NDST2: variants seen among roughly 807,000 people sequenced by gnomAD.
NDST2 encodes N-deacetylase and N-sulfotransferase 2, also known as bifunctional heparan sulfate N-deacetylase/N-sulfotransferase 2.
A neutral mutation model predicts 86.9 loss-of-function variants in NDST2; 32 were observed. That is an observed-to-expected ratio of 0.37 (90% CI 0.28 to 0.49). NDST2 has a LOEUF of 0.49. NDST2 is among the 20% of genes least tolerant of loss of function. The pLI, the probability that NDST2 is intolerant of heterozygous loss-of-function variation, is 0.97. For missense variants in NDST2, 950 were observed against 1,146.9 expected, an observed-to-expected ratio of 0.83 and a Z score of 2.48; for synonymous variants, 409 against 437.0, an observed-to-expected ratio of 0.94 and a Z score of 0.80.
chr10:73,809,865 T>A (rs1025691183), intron 2 of NDST2, among the ~76,000 whole-genome samples: 4 of 152,158 alleles, frequency 2.6e-5, no homozygotes, highest in African/African-American at 9.7e-5. Flanking sequence ...CCCATGTAGC[T>A]GGGACTACAG....
rs1348205869 is a variant in NDST2, at chr10:73,806,748, A to G, written c.1157T>C (p.Phe386Ser). The change falls in exon 5 of 15, where the codon TTC becomes TCC. Residue 386 changes from phenylalanine (F) to serine (S), a missense_variant. Transcript: ENST00000309979. The surrounding 1 kb of genome is among the most constrained non-coding windows in gnomAD (Gnocchi z 4.5). Reference protein sequence around the residue: ...LLKHRKEFWWFPHMWSHMQPH... With the variant: ...LLKHRKEFWWSPHMWSHMQPH... Reference sequence around the variant, plus strand: ...CTGCATGTGGCTCCACATGTGGGGGAACCACCAGAACTCTTTGCGGTGCTT... The same window carrying G: ...CTGCATGTGGCTCCACATGTGGGGGGACCACCAGAACTCTTTGCGGTGCTT... The G allele has an allele frequency of 1.2e-6, 2 of 1,613,952 alleles. No homozygotes were observed. Among genetic ancestry groups the G allele is most frequent in the South Asian group, 2.2e-5 (2 of 91,074 alleles).
chr10:73,804,859 T>C lies in NDST2; in HGVS notation c.1757A>G (p.Asp586Gly). The C allele has an allele frequency of 1.2e-6, 2 of 1,606,238 alleles. No homozygotes were observed. Among genetic ancestry groups the C allele is most frequent in the Non-Finnish European group, 1.7e-6 (2 of 1,175,480 alleles). The change falls in exon 9 of 15, where the codon GAT (aspartate) becomes GGT (glycine). Residue 586 changes from aspartate (D) to glycine (G), a missense_variant. Coordinates refer to ENST00000309979, the MANE Select transcript of NDST2 (RefSeq NM_003635.4). ...CCAGATATCTTTGTGCCTCTTGTCA[T>C]CACAGGGATTCTGAAGCCAGGGCCA... is the stretch of plus-strand genomic sequence containing the variant. Reference protein sequence around the residue: ...ERSPLWQNPCDDKRHKDIWSK... With the variant: ...ERSPLWQNPCGDKRHKDIWSK...
Position 73,806,729 on chromosome 10 carries a change from G to T in NDST2, c.1176C>A (p.His392Gln). 1 of 1,614,176 alleles carries T rather than the reference G, an allele frequency of 6.2e-7. No individual in the cohort carries two copies. The highest frequency in any genetic ancestry group is 2.2e-5 in the East Asian group (1 of 44,880). The part of the protein sequence containing the change: ...EFWWFPHMWS[H>Q]MQPHLFHNRS... ...GATTGTGGAACAGGTGTGGCTGCAT[G>T]TGGCTCCACATGTGGGGGAACCACC... The change falls in exon 5 of 15, where the codon CAC becomes CAA. Residue 392 changes from histidine to glutamine, a missense_variant. This residue lies in a region of NDST2 where 586 missense variants were observed against 714.0 expected (regional missense o/e 0.82). Transcript: ENST00000309979. The surrounding 1 kb of genome is among the most constrained non-coding windows in gnomAD (Gnocchi z 4.5).
chr10:73,803,080 A>G lies in NDST2; in HGVS notation c.2315T>C (p.Leu772Ser). The part of the protein sequence containing the change: ...RWLTYYPSGQ[L>S]LIVDGQELRT... Reference sequence around the variant, plus strand: ...CAGCTCTTGCCCATCCACAATCAGCAACTAAAAGGACAGGGATGTGGTTCC... The same window carrying G: ...CAGCTCTTGCCCATCCACAATCAGCGACTAAAAGGACAGGGATGTGGTTCC... Residue 772 changes from leucine to serine, a missense_variant and splice_region_variant, in exon 13 of 15, where the codon TTG becomes TCG. Leu to Ser is a moderately radical substitution (Grantham distance 145). Coordinates refer to ENST00000309979, the MANE Select transcript of NDST2 (RefSeq NM_003635.4). 1 of 1,614,214 alleles carries G rather than the reference A, an allele frequency of 6.2e-7. No individual in the cohort carries two copies. Among genetic ancestry groups the G allele is most frequent in the Non-Finnish European group, 8.5e-7 (1 of 1,180,028 alleles).
At chr10:73,809,248 C>T (rs933804413) in intron 2 of NDST2, among the ~76,000 whole-genome samples, 11 of 152,166 alleles carry the variant, frequency 7.2e-5, no homozygotes, top group Admixed American at 2.0e-4. Flanking sequence ...CAGCCAACAG[C>T]TTTAACGAAC....
At position 73,808,300 on chromosome 10, in the gene NDST2, G is replaced by A. The variant is rs763635335; in HGVS notation, c.89C>T (p.Ser30Phe). The stretch of plus-strand genomic sequence containing the variant: ...CACATAATAAGCCAGGAAGCCCATG[G>A]AGCCCAGGCTGAAAGCGATCAGCAG... ...ILLLIAFSLGSMGFLAYYVST... is the reference protein window; with the variant it reads ...ILLLIAFSLGFMGFLAYYVST... The change falls in exon 3 of 15, where the codon TCC becomes TTC. Residue 30 changes from serine (S) to phenylalanine (F), a missense_variant. Ser to Phe is a radical substitution (Grantham distance 155). This residue lies in a region of NDST2 where 38 missense variants were observed against 42.5 expected (regional missense o/e 0.89). Transcript: ENST00000309979. This position sits in a 1 kb window ranked among gnomAD's most constrained non-coding sequence, Gnocchi z 4.3. 2 of 1,595,798 alleles carry A rather than the reference G, an allele frequency of 1.3e-6. No individual in the cohort carries two copies. Among genetic ancestry groups the A allele is most frequent in the Non-Finnish European group, 8.5e-7 (1 of 1,171,374 alleles).
At chr10:73,803,534 C>T in intron 11 of NDST2, 40 bp downstream of exon 11, 5 of 1,121,420 alleles carry the variant, frequency 4.5e-6, no homozygotes, top group East Asian at 3.9e-5. Context: ...TCCCCCCTCC[C>T]CCCAACCTTT....
chr10:73,808,122 C>T lies in NDST2; in HGVS notation c.267G>A (p.Val89=), dbSNP rs146046424. ...GCTGTGAGTATGCACTCTCCACAAA[C>T]ACAAGGACCACGGGTTCAGTTCGAG... The part of the protein sequence containing the change: ...ETARTEPVVL[V]FVESAYSQLG... The change falls in exon 3 of 15, where the codon GTG becomes GTA. Residue 89 remains valine, a synonymous_variant. Transcript: ENST00000309979. This position sits in a 1 kb window ranked among gnomAD's most constrained non-coding sequence, Gnocchi z 4.3. 1.1e-5 allele frequency: 17 copies of T among 1,614,130 alleles called. No homozygotes were observed. The highest frequency in any genetic ancestry group is 2.7e-5 in the African/African-American group (2 of 74,944).
Position 73,806,493 on chromosome 10 carries a change from C to G in NDST2, c.1249-19G>C. The G allele has an allele frequency of 6.4e-7, 1 of 1,568,356 alleles. No homozygotes were observed. Among genetic ancestry groups the G allele is most frequent in the African/African-American group, 1.4e-5 (1 of 73,862 alleles). On this transcript the variant is annotated intron_variant, in intron 5 of 14. Coordinates refer to ENST00000309979, the MANE Select transcript of NDST2 (RefSeq NM_003635.4). This position sits in a 1 kb window ranked among gnomAD's most constrained non-coding sequence, Gnocchi z 4.5. Reference sequence around the variant, plus strand: ...CATGCTCCTGGGAATGGCATAGACTCTCACCAGGACCTGGTGAGGTTTGGG... The same window carrying G: ...CATGCTCCTGGGAATGGCATAGACTGTCACCAGGACCTGGTGAGGTTTGGG...
Position 73,802,989 on chromosome 10 carries a change from G to A in NDST2, c.2406C>T (p.Asn802=). The change falls in exon 13 of 15, where the codon AAC becomes AAT. Residue 802 remains asparagine (N), a synonymous_variant. Coordinates refer to ENST00000309979, the MANE Select transcript of NDST2 (RefSeq NM_003635.4). ...TCTCCCACCTGAGGGTCCGTGTGTA[G>A]TTCAGAAAGGGTGTGATACCCAGGA... ...QKFLGITPFL[N]YTRTLRFDDD... is the part of the protein sequence containing the mutation. 1 of 1,614,202 alleles carries A rather than the reference G, an allele frequency of 6.2e-7. No individual in the cohort carries two copies. Among genetic ancestry groups the A allele is most frequent in the East Asian group, 2.2e-5 (1 of 44,888 alleles).
chr10:73,802,870 C>T, intron 13 of NDST2, 94 bp from the exon 14 acceptor site: 1 of 1,517,684 alleles, frequency 6.6e-7, no homozygotes, highest in Non-Finnish European at 9.2e-7. Context: ...AGGGACATGT[C>T]TCTCCTTGTG....
Position 73,806,252 on chromosome 10 carries a change from T to G in NDST2, c.1434+37A>C. 6.2e-7 allele frequency: 1 copy of G among 1,610,618 alleles called. No homozygotes were observed. Among genetic ancestry groups the G allele is most frequent in the Non-Finnish European group, 8.5e-7 (1 of 1,178,034 alleles). On this transcript the variant is annotated intron_variant, in intron 6 of 14. Transcript: ENST00000309979. This position sits in a 1 kb window ranked among gnomAD's most constrained non-coding sequence, Gnocchi z 4.5. ...TGCATGTTGAAAGCTGTCTAAATGTTAGAGTTTGATTCAAGCCTGTATTGG... is the reference window on the plus strand; with the variant it reads ...TGCATGTTGAAAGCTGTCTAAATGTGAGAGTTTGATTCAAGCCTGTATTGG...
chr10:73,804,505 G>C (rs974439870), intron 9 of NDST2, among the ~76,000 whole-genome samples: 1 of 152,044 alleles, frequency 6.6e-6, no homozygotes, highest in Non-Finnish European at 1.5e-5. Flanking sequence ...GCCAGGTGTG[G>C]TGGCACCTGC....
intron 2 of NDST2, among the ~76,000 whole-genome samples, chr10:73,810,361 G>A (rs1565101278): frequency 6.6e-6 from 1 of 152,120 alleles, no homozygotes; most frequent in Non-Finnish European, 1.5e-5. Flanking sequence ...AGGAGGCTGA[G>A]GCAGGAGAAT....
In NDST2 at chr10:73,807,402, C is replaced by T; in HGVS notation, c.987G>A (p.Met329Ile). Reference protein sequence around the residue: ...DIFVGKEGTRMKVADVEALLT... With the variant: ...DIFVGKEGTRIKVADVEALLT... Reference sequence around the variant, plus strand: ...GACTGACCTCAACATCAGCCACCTTCATGCGGGTCCCTTCCTTGCCCACAA... The same window carrying T: ...GACTGACCTCAACATCAGCCACCTTTATGCGGGTCCCTTCCTTGCCCACAA... The change falls in exon 3 of 15, where the codon ATG becomes ATA. Residue 329 changes from methionine to isoleucine, a missense_variant. Physicochemically the swap from Met to Ile is conservative, Grantham distance 10. Transcript: ENST00000309979. 1 of 1,614,140 alleles carries T rather than the reference C, an allele frequency of 6.2e-7. No individual in the cohort carries two copies.
chr10:73,804,724 T>G (rs2084068163), intron 9 of NDST2, 49 bp downstream of exon 9: 1 of 1,111,326 alleles, frequency 9.0e-7, no homozygotes. Context: ...GACAAAAGGA[T>G]CCTTTGGGTT....
rs368680473 is a variant in NDST2, at chr10:73,802,735, C to T, written c.2465G>A (p.Gly822Asp). ...DKGFWCQGLE[G>D]GKTRCLGRSK... The stretch of plus-strand genomic sequence containing the variant: ...CCGGCCTAGACAGCGAGTCTTACCA[C>T]CTTCAAGTCCCTGGCACCAAAATCC... Residue 822 changes from glycine (G) to aspartate (D), a missense_variant, in exon 14 of 15, where the codon GGT becomes GAT. By Grantham distance (94) the Gly-to-Asp change is moderately conservative (BLOSUM62 -1). This residue lies in a region of NDST2 where 303 missense variants were observed against 323.7 expected (regional missense o/e 0.94). Transcript: ENST00000309979. The T allele has an allele frequency of 6.9e-5, 112 of 1,614,066 alleles. No homozygotes were observed. Among genetic ancestry groups the T allele is most frequent in the Non-Finnish European group, 8.6e-5 (102 of 1,180,048 alleles).
At position 73,803,653 on chromosome 10, in the gene NDST2, C is replaced by T. The variant is rs757539560; in HGVS notation, c.2063G>A (p.Arg688Gln). The T allele has an allele frequency of 4.3e-6, 7 of 1,613,870 alleles. No homozygotes were observed. Among genetic ancestry groups the T allele is most frequent in the South Asian group, 1.1e-5 (1 of 91,078 alleles). The change falls in exon 11 of 15, where the codon CGG (arginine) becomes CAG (glutamine). Residue 688 changes from arginine (R) to glutamine (Q), a missense_variant. Physicochemically the swap from Arg to Gln is conservative, Grantham distance 43. This residue lies in a region of NDST2 where 303 missense variants were observed against 323.7 expected (regional missense o/e 0.94). Transcript: ENST00000309979. ...GGCTCGTGGCAGGAGGGCAGCCCCC[C>T]GCCGTGGTACAACTTCAGAGTCAAA... ...TYFDSEVVPR[R>Q]GAALLPRAKI...
chr10:73,809,983 G>A (rs955432333), intron 2 of NDST2, among the ~76,000 whole-genome samples: 2 of 152,012 alleles, frequency 1.3e-5, no homozygotes, highest in Non-Finnish European at 2.9e-5. Context: ...ACAATCCTCC[G>A]GCCTCAGCCT....
Sources: allele counts gnomAD v4.1 joint callset (sites outside exome capture counted in the v4.1 genomes callset), GRCh38; gene constraint gnomAD v4.1.1; regional missense constraint gnomAD v4.1.1; non-coding constraint Gnocchi (gnomAD v3.1); transcripts MANE v1.5; gene names NCBI Gene and HGNC (gene_info 2026-07-23, HGNC 2026-07-21).